Variants in SAXO1 observed in about 807,000 individuals in gnomAD.
The protein encoded by SAXO1 is 4930500O09Rik.
In SAXO1, 21 loss-of-function variants were observed where a neutral mutation model predicts 17.5. The observed-to-expected ratio is 1.20, with a 90% CI of 0.85 to 1.72. The LOEUF is 1.72. Among genes scored for constraint, SAXO1 ranks in the 40% most tolerant of loss-of-function variants. SAXO1 has a pLI of 0.00. For missense variants in SAXO1, 843 were observed against 596.0 expected, an observed-to-expected ratio of 1.41 and a Z score of -4.32; for synonymous variants, 274 against 216.5, an observed-to-expected ratio of 1.27 and a Z score of -2.33.
intron 1 of SAXO1, among the ~76,000 whole-genome samples, chr9:19,043,885 C>T (rs1472893073): frequency 3.3e-5 from 5 of 152,170 alleles, no homozygotes; most frequent in Non-Finnish European, 5.9e-5. Context: ...TGACTCACGC[C>T]TATAATCCCA....
chr9:18,983,075 GAAAAAAGGAAAGGAAA>G (rs1833462066), intron 1 of SAXO1, among the ~76,000 whole-genome samples: 1 of 150,856 alleles, frequency 6.6e-6, no homozygotes, highest in Non-Finnish European at 1.5e-5. Context: ...ATTCAAGGAA[GAAAAAAGGAAAGGAAA>G]AAAAAAGGAG....
chr9:18,991,605 T>C (rs1205256915), intron 1 of SAXO1, among the ~76,000 whole-genome samples: 1 of 151,944 alleles, frequency 6.6e-6, no homozygotes, highest in African/African-American at 2.4e-5. Context: ...TTAGGAGAAA[T>C]ACCTAATGTA....
intron 1 of SAXO1, among the ~76,000 whole-genome samples, chr9:18,986,139 T>C (rs959772930): frequency 3.3e-5 from 5 of 152,266 alleles, no homozygotes; most frequent in African/African-American, 1.2e-4. Context: ...TGTGATAATA[T>C]GCAATCATAA....
chr9:19,024,236 G>A (rs1432587231), intron 1 of SAXO1, among the ~76,000 whole-genome samples: 2 of 151,752 alleles, frequency 1.3e-5, no homozygotes, highest in African/African-American at 2.4e-5. Context: ...TGACTGCCCT[G>A]CCCTGCAGCA....
chr9:18,957,265 C>T (rs1363162211), intron 1 of SAXO1, among the ~76,000 whole-genome samples: 1 of 152,154 alleles, frequency 6.6e-6, no homozygotes, highest in South Asian at 2.1e-4. Context: ...GCTGCTTAAA[C>T]GAGAGTGTCA....
chr9:19,038,675 G>A (rs1169333463), intron 1 of SAXO1, among the ~76,000 whole-genome samples: 1 of 151,422 alleles, frequency 6.6e-6, no homozygotes, highest in Non-Finnish European at 1.5e-5. Flanking sequence ...GTTAATGGGT[G>A]CAGTACACCA....
chr9:18,946,279 CA>C (rs56858815), intron 2 of SAXO1, among the ~76,000 whole-genome samples: 2,397 of 34,374 alleles, frequency 0.07, 43 homozygotes, highest in African/African-American at 0.16. Context: ...TTCATCTCAC[CA>C]AAAAAAAAAA....
chr9:18,970,188 G>A lies in SAXO1; in HGVS notation c.39-19251C>T, dbSNP rs190467464. Among the ~76,000 whole-genome samples the A allele has an allele frequency of 5.1e-4, 77 of 152,292 alleles. 1 individual carries two copies. Among genetic ancestry groups the A allele is most frequent in the Non-Finnish European group, 5.4e-4 (37 of 68,018 alleles). On this transcript the variant is annotated intron_variant, in intron 1 of 3. Transcript: ENST00000380534. Reference sequence around the variant, plus strand: ...TAGCCCCAGATGTTTGGCTTGATGTGTGAACATGTTAAATGTCTCATAAAA... The same window carrying A: ...TAGCCCCAGATGTTTGGCTTGATGTATGAACATGTTAAATGTCTCATAAAA...
intron 1 of SAXO1, among the ~76,000 whole-genome samples, chr9:18,962,819 A>G (rs372480339): frequency 1.5e-4 from 23 of 152,256 alleles, no homozygotes; most frequent in African/African-American, 5.3e-4. Context: ...CCCATTTGTC[A>G]ATTTTGGCTT....
At chr9:19,021,534 A>T (rs574089369) in intron 1 of SAXO1, among the ~76,000 whole-genome samples, 1 of 152,164 alleles carries the variant, frequency 6.6e-6, no homozygotes, top group African/African-American at 2.4e-5. Context: ...CTGGACCTGA[A>T]AAAACACCGC....
chr9:19,019,214 G>A (rs1835121786), intron 1 of SAXO1, among the ~76,000 whole-genome samples: 1 of 152,098 alleles, frequency 6.6e-6, no homozygotes, highest in African/African-American at 2.4e-5. Flanking sequence ...GCTCTCTGTA[G>A]AAGCCTTTCA....
At position 18,998,523 on chromosome 9, in the gene SAXO1, C is replaced by G. The variant is rs145863446; in HGVS notation, c.38+34348G>C. Among the ~76,000 whole-genome samples, 1,017 of 152,218 alleles carry G rather than the reference C, an allele frequency of 6.7e-3. 8 individuals are homozygous for G. The highest frequency in any genetic ancestry group is 0.023 in the African/African-American group (973 of 41,530). On this transcript the variant is annotated intron_variant, in intron 1 of 3. Transcript: ENST00000380534. Reference sequence around the variant, plus strand: ...CTGAAAGTGATGGGGAGAATGGAACCAAGTTAGAAAACACTCTTCGGGATA... The same window carrying G: ...CTGAAAGTGATGGGGAGAATGGAACGAAGTTAGAAAACACTCTTCGGGATA...
At chr9:19,018,625 C>T (rs1037154090) in intron 1 of SAXO1, among the ~76,000 whole-genome samples, 3 of 152,162 alleles carry the variant, frequency 2.0e-5, no homozygotes, top group African/African-American at 7.2e-5. Flanking sequence ...TGAACTGCTA[C>T]ATGCAGACAT....
intron 1 of SAXO1, among the ~76,000 whole-genome samples, chr9:19,043,453 G>C (rs1020832895): frequency 6.6e-6 from 1 of 151,924 alleles, no homozygotes; most frequent in Non-Finnish European, 1.5e-5. Flanking sequence ...GGTACAAAAA[G>C]TAGTTAGAAA....
chr9:19,008,967 T>C (rs1347446888), intron 1 of SAXO1, among the ~76,000 whole-genome samples: 2 of 152,240 alleles, frequency 1.3e-5, no homozygotes, highest in Non-Finnish European at 2.9e-5. Flanking sequence ...ATTGATCATC[T>C]GGCTAATTGA....
At chr9:18,994,885 C>G (rs1055094682) in intron 1 of SAXO1, among the ~76,000 whole-genome samples, 3 of 152,166 alleles carry the variant, frequency 2.0e-5, no homozygotes, top group Admixed American at 6.5e-5. Context: ...CTCTACATCC[C>G]AATTGGACCT....
At chr9:19,032,203 T>C (rs1379995268) in intron 1 of SAXO1, among the ~76,000 whole-genome samples, 7 of 152,054 alleles carry the variant, frequency 4.6e-5, no homozygotes, top group Non-Finnish European at 8.8e-5. Flanking sequence ...CCAGCTGCCC[T>C]GGGAAGCAGA....
At chr9:18,941,611 C>A in intron 3 of SAXO1, 26 bp downstream of exon 3, 1 of 1,613,512 alleles carries the variant, frequency 6.2e-7, no homozygotes, top group Non-Finnish European at 8.5e-7. Context: ...GTCTTTCCCC[C>A]AATCTGCCCC....
At chr9:18,936,519 G>A (rs1369139516) in intron 3 of SAXO1, among the ~76,000 whole-genome samples, 1 of 152,094 alleles carries the variant, frequency 6.6e-6, no homozygotes, top group African/African-American at 2.4e-5. Flanking sequence ...TAAGCTCAAA[G>A]TTGCCTCATG....
Sources: allele counts gnomAD v4.1 joint callset (sites outside exome capture counted in the v4.1 genomes callset), GRCh38; gene constraint gnomAD v4.1.1; transcripts MANE v1.5; gene names NCBI Gene and HGNC (gene_info 2026-07-23, HGNC 2026-07-21).